MYO1B: variants seen among roughly 807,000 people sequenced by gnomAD.
The protein encoded by MYO1B is myosin IB, also known as unconventional myosin-Ib.
A neutral mutation model predicts 159.7 loss-of-function variants in MYO1B; 72 were observed. The ratio of observed to expected loss-of-function variants is 0.45; its 90% CI spans 0.37 to 0.55. The LOEUF is 0.55. MYO1B is among the 20% of genes least tolerant of loss of function. The probability of loss-of-function intolerance (pLI) is 0.00; values close to 1 mark genes in which losing one functional copy is unlikely to be tolerated. For synonymous variants in MYO1B, 468 were observed against 473.8 expected, an observed-to-expected ratio of 0.99 and a Z score of 0.16; for missense variants, 1,062 against 1,364.8, an observed-to-expected ratio of 0.78 and a Z score of 3.50.
At chr2:191,267,922 C>T (rs962934571) in intron 1 of MYO1B, among the ~76,000 whole-genome samples, 3 of 152,104 alleles carry the variant, frequency 2.0e-5, no homozygotes, top group African/African-American at 4.8e-5. Flanking sequence ...TGATGGAAAC[C>T]GTCCTGGACA....
chr2:191,377,470 C>A (rs10167805), intron 13 of MYO1B: 1 of 152,002 alleles, frequency 6.6e-6, no homozygotes, highest in Non-Finnish European at 1.5e-5. Context: ...GAGCCTGACA[C>A]GTGGGAGAGG....
At chr2:191,420,204 A>G (rs1475868214) in intron 30 of MYO1B, among the ~76,000 whole-genome samples, 1 of 152,196 alleles carries the variant, frequency 6.6e-6, no homozygotes, top group Non-Finnish European at 1.5e-5. Context: ...CCCTGCCTCA[A>G]AAACAAAACA....
chr2:191,422,937 T>C (rs1165928585), intron 30 of MYO1B, among the ~76,000 whole-genome samples: 1 of 152,158 alleles, frequency 6.6e-6, no homozygotes, highest in Non-Finnish European at 1.5e-5. Flanking sequence ...ATATGATGAG[T>C]TAATGAACTT....
At chr2:191,375,173 C>T (rs1694617839) in intron 13 of MYO1B, among the ~76,000 whole-genome samples, 1 of 152,146 alleles carries the variant, frequency 6.6e-6, no homozygotes, top group Admixed American at 6.5e-5. Context: ...TCATAAACCT[C>T]ACTGAAAGTG....
chr2:191,424,224 G>T lies in MYO1B; in HGVS notation c.*264G>T. ...TGTTCTTCCTTTAGTCATCATGTTA[G>T]GTCTGTGTACCCTAAATCAGCATAT... On this transcript the variant is annotated 3_prime_UTR_variant, in exon 31 of 31. Transcript: ENST00000392318. 1 of 432,962 alleles carries T rather than the reference G, an allele frequency of 2.3e-6. No individual in the cohort carries two copies. Among genetic ancestry groups the T allele is most frequent in the South Asian group, 4.5e-5 (1 of 22,322 alleles). 26.8% of individuals were successfully genotyped at this position (432,962 alleles called of 1,614,324 possible).
At chr2:191,385,800 T>C in intron 15 of MYO1B, 84 bp from the exon 16 acceptor site, 1 of 1,368,116 alleles carries the variant, frequency 7.3e-7, no homozygotes, top group Non-Finnish European at 1.0e-6. Flanking sequence ...ACTAAGTTGA[T>C]TGTGTTTGAT....
At chr2:191,421,528 G>C (rs116423654) in intron 30 of MYO1B, among the ~76,000 whole-genome samples, 1 of 151,836 alleles carries the variant, frequency 6.6e-6, no homozygotes, top group African/African-American at 2.4e-5. Flanking sequence ...GTCAGAGTCC[G>C]GTGGTGTGAT....
chr2:191,344,706 T>G (rs1426314380), intron 5 of MYO1B, among the ~76,000 whole-genome samples: 9 of 150,324 alleles, frequency 6.0e-5, no homozygotes, highest in African/African-American at 2.2e-4. Flanking sequence ...GGCGGGCGCC[T>G]GTAGTCCCAG....
At chr2:191,365,227 TACTA>T (rs1693931849) in intron 11 of MYO1B, among the ~76,000 whole-genome samples, 1 of 152,324 alleles carries the variant, frequency 6.6e-6, no homozygotes, top group South Asian at 2.1e-4. Flanking sequence ...AGAATTAAAT[TACTA>T]ACTTAGGACT....
chr2:191,420,757 G>A (rs990113448), intron 30 of MYO1B, among the ~76,000 whole-genome samples: 95 of 152,134 alleles, frequency 6.2e-4, no homozygotes, highest in Non-Finnish European at 1.6e-4. Flanking sequence ...AGGTATACAC[G>A]TGTGTACAAT....
intron 1 of MYO1B, among the ~76,000 whole-genome samples, chr2:191,261,080 T>C (rs1277263951): frequency 1.3e-5 from 2 of 152,188 alleles, no homozygotes; most frequent in Non-Finnish European, 2.9e-5. Flanking sequence ...GATCAGCCGA[T>C]GCCATAGATA....
chr2:191,272,639 A>G (rs959751195), intron 1 of MYO1B, among the ~76,000 whole-genome samples: 1 of 152,230 alleles, frequency 6.6e-6, no homozygotes, highest in Non-Finnish European at 1.5e-5. Flanking sequence ...CTGGCCTTTC[A>G]GACAGTCCAG....
At chr2:191,278,890 C>T (rs558813217) in intron 2 of MYO1B, among the ~76,000 whole-genome samples, 8 of 152,322 alleles carry the variant, frequency 5.3e-5, no homozygotes, top group African/African-American at 1.4e-4. Context: ...TTGTAACTAA[C>T]GTTACCGATC....
intron 3 of MYO1B, among the ~76,000 whole-genome samples, chr2:191,302,439 T>TAGGATAC (rs771223402): frequency 7.6e-4 from 116 of 152,364 alleles, no homozygotes; most frequent in Middle Eastern, 3.4e-3. Context: ...ATGTACTTGA[T>TAGGATAC]AGGATACTTG....
intron 25 of MYO1B, 67 bp from the exon 26 acceptor site, chr2:191,408,977 T>G (rs1697096018): frequency 2.7e-6 from 4 of 1,461,874 alleles, no homozygotes; most frequent in Non-Finnish European, 3.7e-6. Context: ...TTGATCATGA[T>G]GTATGTAAAA....
At chr2:191,333,352 C>T (rs1446075199) in intron 4 of MYO1B, among the ~76,000 whole-genome samples, 2 of 152,150 alleles carry the variant, frequency 1.3e-5, no homozygotes, top group Non-Finnish European at 2.9e-5. Context: ...CTCTTGATTT[C>T]TCTCTTTACC....
At chr2:191,247,653 C>T (rs1278867976) in intron 1 of MYO1B, among the ~76,000 whole-genome samples, 1 of 152,224 alleles carries the variant, frequency 6.6e-6, no homozygotes, top group Admixed American at 6.5e-5. Flanking sequence ...GTTGTCTTAC[C>T]ATTTTGGACT....
intron 2 of MYO1B, among the ~76,000 whole-genome samples, chr2:191,294,057 C>T (rs1221655136): frequency 6.6e-6 from 1 of 152,092 alleles, no homozygotes; most frequent in Non-Finnish European, 1.5e-5. Context: ...TATTGTACAT[C>T]ATGGTGGGCC....
chr2:191,410,618 AGT>A (rs1697195651), intron 26 of MYO1B, among the ~76,000 whole-genome samples: 2 of 152,236 alleles, frequency 1.3e-5, no homozygotes, highest in Admixed American at 6.5e-5. Flanking sequence ...AAAATAGCAG[AGT>A]GTACAATATA....
Sources: allele counts gnomAD v4.1 joint callset (sites outside exome capture counted in the v4.1 genomes callset), GRCh38; gene constraint gnomAD v4.1.1; transcripts MANE v1.5; gene names NCBI Gene and HGNC (gene_info 2026-07-23, HGNC 2026-07-21).